The following TSHZ2 variants were observed in gnomAD, a reference collection of about 807,000 sequenced individuals.
TSHZ2 encodes teashirt zinc finger homeobox 2, also known as teashirt homolog 2.
Under a neutral mutation model 74.4 loss-of-function variants are expected in TSHZ2, and 21 were observed. The observed-to-expected ratio is 0.28, with a 90% CI of 0.20 to 0.41. The LOEUF (loss-of-function observed/expected upper bound fraction) is 0.41, where lower values mean the gene tolerates loss of function less well. Ranked by LOEUF, TSHZ2 falls within the 10% of genes least tolerant of loss-of-function variation. The probability of loss-of-function intolerance (pLI) is 1.00; values close to 1 mark genes in which losing one functional copy is unlikely to be tolerated. For missense variants in TSHZ2, 1,244 were observed against 1,293.5 expected (o/e 0.96, Z 0.59); for synonymous variants, 540 against 515.3 (o/e 1.05, Z -0.65).
At chr20:53,340,116 C>T (rs1980122114) in intron 2 of TSHZ2, among the ~76,000 whole-genome samples, 1 of 151,620 alleles carries the variant, frequency 6.6e-6, no homozygotes, top group Non-Finnish European at 1.5e-5. Context: ...ATGCCAATGC[C>T]TGGTGGGGGG....
intron 1 of TSHZ2, among the ~76,000 whole-genome samples, chr20:53,137,731 T>C (rs1987283229): frequency 6.6e-6 from 1 of 152,176 alleles, no homozygotes; most frequent in Non-Finnish European, 1.5e-5. Flanking sequence ...TAATCCATTC[T>C]TCTTATTGGC....
intron 2 of TSHZ2, among the ~76,000 whole-genome samples, chr20:53,411,462 T>G (rs1385676329): frequency 2.0e-5 from 3 of 152,088 alleles, no homozygotes; most frequent in Non-Finnish European, 4.4e-5. Context: ...AAATCCCAAC[T>G]CCTACTGTGA....
chr20:53,185,497 G>A, intron 1 of TSHZ2: 1 of 1,378,534 alleles, frequency 7.3e-7, no homozygotes, highest in Non-Finnish European at 9.5e-7. Flanking sequence ...GGCCAACATG[G>A]TGAAACCTCA....
At chr20:53,272,779 G>C (rs978589179) in intron 2 of TSHZ2, among the ~76,000 whole-genome samples, 2 of 152,192 alleles carry the variant, frequency 1.3e-5, no homozygotes, top group Non-Finnish European at 2.9e-5. Flanking sequence ...GCTAACTCTT[G>C]GAGGAACTGC....
chr20:53,436,549 T>TA (rs2145745182), intron 2 of TSHZ2, among the ~76,000 whole-genome samples: 1 of 82,698 alleles, frequency 1.2e-5, no homozygotes, highest in Non-Finnish European at 2.5e-5. Context: ...ATTATTATTA[T>TA]TTTTTTTTTT....
chr20:53,001,240 G>A (rs866671056), intron 1 of TSHZ2, among the ~76,000 whole-genome samples: 6 of 149,762 alleles, frequency 4.0e-5, no homozygotes, highest in South Asian at 4.2e-4. Flanking sequence ...GTGTGTGTGT[G>A]TGTGTGTGTG....
At chr20:53,283,468 G>A (rs532045995) in intron 2 of TSHZ2, among the ~76,000 whole-genome samples, 34 of 152,246 alleles carry the variant, frequency 2.2e-4, no homozygotes, top group Admixed American at 1.1e-3. Context: ...GAAATTAAGC[G>A]CCTTGACCAT....
chr20:53,154,545 A>G (rs1160575280), intron 1 of TSHZ2, among the ~76,000 whole-genome samples: 1 of 152,146 alleles, frequency 6.6e-6, no homozygotes, highest in East Asian at 1.9e-4. Flanking sequence ...GAGATTTTTG[A>G]TTCAAAAATC....
chr20:53,349,671 G>A (rs556751443), intron 2 of TSHZ2, among the ~76,000 whole-genome samples: 1 of 145,954 alleles, frequency 6.9e-6, no homozygotes, highest in East Asian at 2.0e-4. Flanking sequence ...AAAAAAAGAA[G>A]TGTAGCTTCC....
rs73268571 is a variant in TSHZ2, at chr20:53,109,461, G to T, written c.40+136128G>T. Among the ~76,000 whole-genome samples, 661 of 152,166 alleles carry T rather than the reference G, an allele frequency of 4.3e-3. 6 individuals carry two copies. Among genetic ancestry groups the T allele is most frequent in the African/African-American group, 0.015 (633 of 41,490 alleles). On this transcript the variant is annotated intron_variant, in intron 1 of 2. Coordinates refer to ENST00000371497, the MANE Select transcript of TSHZ2 (RefSeq NM_173485.6). ...GAGTCCTTCTCATTTTCTCCCTGGA[G>T]CTCCTCCTCTCCCACTCACTCCCAT...
intron 2 of TSHZ2, among the ~76,000 whole-genome samples, chr20:53,261,986 C>T (rs1370575841): frequency 6.6e-6 from 1 of 152,174 alleles, no homozygotes; most frequent in African/African-American, 2.4e-5. Context: ...TGGAGGGACA[C>T]ACAATCGCCA....
intron 1 of TSHZ2, among the ~76,000 whole-genome samples, chr20:53,205,461 G>A (rs965817148): frequency 7.9e-5 from 12 of 152,192 alleles, no homozygotes; most frequent in Admixed American, 3.3e-4. Flanking sequence ...TTTGTGACTT[G>A]AAACACATTT....
At chr20:53,391,985 G>A (rs1269661907) in intron 2 of TSHZ2, among the ~76,000 whole-genome samples, 1 of 152,082 alleles carries the variant, frequency 6.6e-6, no homozygotes, top group East Asian at 1.9e-4. Flanking sequence ...TTACATCTCT[G>A]AATCTAGTCC....
intron 2 of TSHZ2, among the ~76,000 whole-genome samples, chr20:53,460,339 T>C (rs1378818183): frequency 6.6e-6 from 1 of 152,084 alleles, no homozygotes; most frequent in Non-Finnish European, 1.5e-5. Flanking sequence ...GTTGATCGCA[T>C]CGGCTCCTGA....
chr20:53,309,191 C>G (rs1027903961), intron 2 of TSHZ2, among the ~76,000 whole-genome samples: 1 of 152,154 alleles, frequency 6.6e-6, no homozygotes, highest in Non-Finnish European at 1.5e-5. Flanking sequence ...GCTGAGGGCT[C>G]AAAACCTTAT....
At chr20:53,359,113 G>T (rs1180112912) in intron 2 of TSHZ2, among the ~76,000 whole-genome samples, 1 of 151,952 alleles carries the variant, frequency 6.6e-6, no homozygotes, top group African/African-American at 2.4e-5. Context: ...TTTTTGGAGG[G>T]CCTACTCTAA....
chr20:53,186,529 T>C (rs1263632988), intron 1 of TSHZ2, among the ~76,000 whole-genome samples: 3 of 152,234 alleles, frequency 2.0e-5, no homozygotes, highest in Admixed American at 2.0e-4. Context: ...AAACTCTATA[T>C]GTGCTCACAT....
intron 2 of TSHZ2, among the ~76,000 whole-genome samples, chr20:53,316,403 G>T (rs888285907): frequency 6.6e-6 from 1 of 152,100 alleles, no homozygotes; most frequent in Admixed American, 6.6e-5. Context: ...GCGTAGTAGG[G>T]GGTTGGTGTT....
At chr20:53,469,043 T>TC (rs1568931491) in intron 2 of TSHZ2, among the ~76,000 whole-genome samples, 7 of 13,696 alleles carry the variant, frequency 5.1e-4, no homozygotes, top group East Asian at 3.2e-3. Flanking sequence ...GAAATCGATA[T>TC]TTTATATATA....
Sources: gnomAD v4.1 joint callset for allele counts (sites outside exome capture counted in the v4.1 genomes callset) on GRCh38, gnomAD v4.1.1 for gene constraint, MANE v1.5 for transcripts, NCBI Gene and HGNC (gene_info 2026-07-23, HGNC 2026-07-21) for gene names.